Variants in PCDH11X observed in about 807,000 individuals in gnomAD.
PCDH11X encodes protocadherin-11 X-linked.
Under a neutral mutation model 53.3 loss-of-function variants are expected in PCDH11X, and 18 were observed. The ratio of observed to expected loss-of-function variants is 0.34; its 90% confidence interval spans 0.23 to 0.50. The LOEUF is 0.50. PCDH11X is among the 20% of genes least tolerant of loss of function. The probability of loss-of-function intolerance (pLI) is 0.98; values close to 1 mark genes in which losing one functional copy is unlikely to be tolerated. For synonymous variants in PCDH11X, 279 were observed against 393.3 expected (o/e 0.71, Z 3.44); for missense variants, 570 against 1,032.4 (o/e 0.55, Z 6.14).
At chrX:91,965,833 T>C (rs188726499) in intron 6 of PCDH11X, among the ~76,000 whole-genome samples, 1 of 111,599 alleles carries the variant, frequency 9.0e-6, no homozygotes, top group East Asian at 2.8e-4. Context: ...ATTTTGTCAG[T>C]TGAAAGTGTC....
At chrX:91,957,382 T>C (rs2061723700) in intron 6 of PCDH11X, among the ~76,000 whole-genome samples, 1 of 111,392 alleles carries the variant, frequency 9.0e-6, no homozygotes, top group African/African-American at 3.3e-5. Context: ...TTCTTCCTCA[T>C]ATCTGTGGGC....
rs148824549 is a variant in PCDH11X at position 91,954,210 on chromosome X, G to A, written c.3033+74937G>A. 4.2e-3 allele frequency among the ~76,000 whole-genome samples: 464 copies of A among 110,327 alleles called. 4 individuals are homozygous for A. Among genetic ancestry groups the A allele is most frequent in the African/African-American group, 0.014 (426 of 30,329 alleles). On this transcript the variant is annotated intron_variant, in intron 6 of 10. Transcript: ENST00000682573. ...TCAGCTCCCACTTATACATGAGAAC[G>A]TGTGGTGTTTGATTTTCTGTTCCTG...
chrX:92,343,234 T>C (rs1176382346), intron 8 of PCDH11X, among the ~76,000 whole-genome samples: 1 of 112,033 alleles, frequency 8.9e-6, no homozygotes, highest in Non-Finnish European at 1.9e-5. Flanking sequence ...GGAAATTCCA[T>C]CTGCCTTGTT....
In PCDH11X at chrX:91,881,266, T is replaced by G. The variant is rs777373551; in HGVS notation, c.3033+1993T>G. 6.4e-3 allele frequency among the ~76,000 whole-genome samples: 708 copies of G among 111,172 alleles called. 3 individuals carry two copies. The highest frequency in any genetic ancestry group is 9.9e-3 in the Non-Finnish European group (525 of 52,886). On this transcript the variant is annotated intron_variant, in intron 6 of 10. Coordinates refer to ENST00000682573, the MANE Select transcript of PCDH11X (RefSeq NM_032968.5). The stretch of plus-strand genomic sequence containing the variant: ...AAGTCATTAAAAATAATAAACCTTT[T>G]TCCATGACGCATTTTATATCATATA...
At chrX:92,436,838 A>C (rs1200473741) in intron 9 of PCDH11X, among the ~76,000 whole-genome samples, 1 of 109,810 alleles carries the variant, frequency 9.1e-6, no homozygotes, top group East Asian at 2.9e-4. Flanking sequence ...TGGAGGAGGG[A>C]GAGGAGCAGA....
chrX:92,490,045 A>G (rs988223575), intron 10 of PCDH11X, among the ~76,000 whole-genome samples: 2 of 109,165 alleles, frequency 1.8e-5, no homozygotes, highest in African/African-American at 6.6e-5. Flanking sequence ...TAGTAAAGCA[A>G]TATAACCCTT....
At chrX:92,239,341 A>G (rs1339752415) in intron 7 of PCDH11X, among the ~76,000 whole-genome samples, 1 of 111,718 alleles carries the variant, frequency 9.0e-6, no homozygotes, top group East Asian at 2.8e-4. Context: ...ACTTAAAACT[A>G]ATATAGATGA....
At chrX:91,868,987 G>A (rs1214569221) in intron 5 of PCDH11X, among the ~76,000 whole-genome samples, 2 of 111,256 alleles carry the variant, frequency 1.8e-5, no homozygotes, top group Non-Finnish European at 3.8e-5. Flanking sequence ...GAATAGTAAC[G>A]GTGAATTTTG....
In PCDH11X at chrX:91,912,092, G is replaced by A. The variant is rs1164637663; in HGVS notation, c.3033+32819G>A. ...TTCTTTTTCTCATTGTTCACCATTG[G>A]CATATAGAAATGCTACTGATTTTTG... is the stretch of plus-strand genomic sequence containing the variant. On this transcript the variant is annotated intron_variant, in intron 6 of 10. Transcript: ENST00000682573. Among the ~76,000 whole-genome samples, 6 of 111,471 alleles carry A rather than the reference G, an allele frequency of 5.4e-5. No individual in the cohort carries two copies. In the East Asian group the frequency reaches 1.4e-3, roughly 26 times the overall value.
At chrX:92,030,546 A>G (rs1380589109) in intron 6 of PCDH11X, among the ~76,000 whole-genome samples, 1 of 108,054 alleles carries the variant, frequency 9.3e-6, no homozygotes, top group African/African-American at 3.4e-5. Flanking sequence ...ATTATTGACT[A>G]TAGTCACCCT....
intron 10 of PCDH11X, among the ~76,000 whole-genome samples, chrX:92,612,351 T>A (rs1204846146): frequency 1.8e-5 from 2 of 108,745 alleles, no homozygotes; most frequent in Non-Finnish European, 3.8e-5. Flanking sequence ...TTCCAGCAAT[T>A]TCTCAATTTC....
At chrX:92,347,628 T>C (rs2069933643) in intron 8 of PCDH11X, among the ~76,000 whole-genome samples, 1 of 111,917 alleles carries the variant, frequency 8.9e-6, no homozygotes. Context: ...CATCACAACC[T>C]ATTTCCATTC....
At chrX:92,209,645 T>C (rs2066544321) in intron 7 of PCDH11X, among the ~76,000 whole-genome samples, 1 of 111,415 alleles carries the variant, frequency 9.0e-6, no homozygotes, top group Non-Finnish European at 1.9e-5. Context: ...TCAGTGGATC[T>C]GCCATTCTGG....
chrX:92,343,366 T>G (rs1474932135), intron 8 of PCDH11X, among the ~76,000 whole-genome samples: 1 of 111,845 alleles, frequency 8.9e-6, no homozygotes, highest in African/African-American at 3.2e-5. Flanking sequence ...GCTTTCAGAA[T>G]AGCTTTACTG....
intron 6 of PCDH11X, among the ~76,000 whole-genome samples, chrX:91,920,214 G>A (rs1941699290): frequency 9.0e-6 from 1 of 111,243 alleles, no homozygotes; most frequent in African/African-American, 3.3e-5. Context: ...AGCACAGAAC[G>A]ATTAGCAGAG....
At chrX:92,506,230 T>C (rs1440589804) in intron 10 of PCDH11X, among the ~76,000 whole-genome samples, 1 of 91,145 alleles carries the variant, frequency 1.1e-5, no homozygotes, top group African/African-American at 4.0e-5. Context: ...TTTTTTTTTT[T>C]TTTTTTTTGC....
intron 10 of PCDH11X, among the ~76,000 whole-genome samples, chrX:92,537,215 A>ATT (rs34368930): frequency 0.019 from 1,785 of 95,046 alleles, 31 homozygotes; most frequent in African/African-American, 0.053. Flanking sequence ...CCATTTGTCC[A>ATT]TTTTTTTTTT....
chrX:92,329,689 G>A (rs1300425651), intron 8 of PCDH11X, among the ~76,000 whole-genome samples: 19 of 111,340 alleles, frequency 1.7e-4, no homozygotes, highest in Non-Finnish European at 2.3e-4. Context: ...ATGGATAGAC[G>A]TGGAGGTTAT....
intron 9 of PCDH11X, among the ~76,000 whole-genome samples, chrX:92,457,867 C>T (rs1331002225): frequency 3.8e-5 from 4 of 105,765 alleles, no homozygotes; most frequent in Admixed American, 1.0e-4. Context: ...TTTTAAAAAA[C>T]ATGCTTTCAT....
Sources: allele counts gnomAD v4.1 joint callset (sites outside exome capture counted in the v4.1 genomes callset), GRCh38; gene constraint gnomAD v4.1.1; transcripts MANE v1.5; gene names NCBI Gene and HGNC (gene_info 2026-07-23, HGNC 2026-07-21).